Variants in LPP observed in about 807,000 individuals in gnomAD.
LPP encodes LIM domain containing preferred translocation partner in lipoma.
LPP carries 38 observed loss-of-function variants against 60.4 expected under a neutral mutation model. The observed-to-expected ratio is 0.63, with a 90% CI of 0.49 to 0.83. LPP has a LOEUF of 0.83. Ranked by LOEUF, LPP falls within the 40% of genes least tolerant of loss-of-function variation. The pLI is 0.00. For synonymous variants in LPP, 328 were observed against 290.8 expected, an observed-to-expected ratio of 1.13 and a Z score of -1.30; for missense variants, 902 against 783.6, an observed-to-expected ratio of 1.15 and a Z score of -1.80.
intron 7 of LPP, among the ~76,000 whole-genome samples, chr3:188,618,409 T>C (rs1845245445): frequency 6.6e-6 from 1 of 152,250 alleles, no homozygotes; most frequent in Non-Finnish European, 1.5e-5. Flanking sequence ...AGAAAAACTC[T>C]GTAAGTTGTT....
chr3:188,849,022 A>G (rs2151834148), intron 9 of LPP, among the ~76,000 whole-genome samples: 1 of 152,184 alleles, frequency 6.6e-6, no homozygotes, highest in East Asian at 1.9e-4. Context: ...ATGATTAAAC[A>G]TTGTTTAATT....
At chr3:188,245,720 CT>C (rs1296109437) in intron 2 of LPP, among the ~76,000 whole-genome samples, 1 of 149,428 alleles carries the variant, frequency 6.7e-6, no homozygotes, top group Non-Finnish European at 1.5e-5. Flanking sequence ...TTATTTATTT[CT>C]TTTGTAGACA....
intron 9 of LPP, among the ~76,000 whole-genome samples, chr3:188,783,080 G>A (rs888103038): frequency 2.0e-5 from 3 of 152,040 alleles, no homozygotes; most frequent in Admixed American, 2.0e-4. Context: ...CCTGTCTTCT[G>A]AGTGCCCTGG....
At chr3:188,569,931 C>T (rs183053614) in intron 6 of LPP, among the ~76,000 whole-genome samples, 1 of 152,046 alleles carries the variant, frequency 6.6e-6, no homozygotes, top group East Asian at 1.9e-4. Context: ...AGTCCATGCT[C>T]ATTTGCTTCC....
In LPP at chr3:188,764,480, G is replaced by A. The variant is rs143046226; in HGVS notation, c.1410+4198G>A. 8.2e-4 allele frequency among the ~76,000 whole-genome samples: 125 copies of A among 151,984 alleles called. 1 individual carries two copies. The Middle Eastern group carries it at 0.01, about 12-fold the overall frequency. ...CCTCTAAATCTGGGGCAATTTCTTG[G>A]CTGTAGTTGCTATGGAAATACTGAA... On this transcript the variant is annotated intron_variant, in intron 9 of 11. Transcript: ENST00000617246.
chr3:188,487,949 A>G (rs1807084715), intron 5 of LPP, among the ~76,000 whole-genome samples: 1 of 152,062 alleles, frequency 6.6e-6, no homozygotes, highest in Non-Finnish European at 1.5e-5. Context: ...GGGACCTTAG[A>G]GATCATTTAG....
intron 3 of LPP, among the ~76,000 whole-genome samples, chr3:188,377,792 G>C (rs1364919191): frequency 6.6e-6 from 1 of 152,136 alleles, no homozygotes; most frequent in African/African-American, 2.4e-5. Context: ...CTGATTTTTA[G>C]AGTTTCCAGT....
At chr3:188,851,997 C>G (rs1182457035) in intron 9 of LPP, among the ~76,000 whole-genome samples, 1 of 152,084 alleles carries the variant, frequency 6.6e-6, no homozygotes, top group Non-Finnish European at 1.5e-5. Flanking sequence ...AAACCTGTCT[C>G]TACTAAAAAT....
intron 8 of LPP, among the ~76,000 whole-genome samples, chr3:188,739,937 GT>G (rs1723828760): frequency 6.6e-6 from 1 of 152,070 alleles, no homozygotes; most frequent in Non-Finnish European, 1.5e-5. Flanking sequence ...ATTTTGTGAA[GT>G]TAAATGACCA....
intron 4 of LPP, among the ~76,000 whole-genome samples, chr3:188,448,491 T>G (rs1395369070): frequency 6.6e-6 from 1 of 152,148 alleles, no homozygotes; most frequent in South Asian, 2.1e-4. Flanking sequence ...TTTATCTAAA[T>G]ATCTATCTAA....
chr3:188,554,138 T>C (rs1828890231), intron 6 of LPP: 1 of 152,104 alleles, frequency 6.6e-6, no homozygotes, highest in Non-Finnish European at 1.5e-5. Flanking sequence ...CACGTGTGAA[T>C]TTGATGCTTT....
At chr3:188,548,738 G>C (rs1468082229) in intron 6 of LPP, among the ~76,000 whole-genome samples, 1 of 152,184 alleles carries the variant, frequency 6.6e-6, no homozygotes, top group Non-Finnish European at 1.5e-5. Context: ...GGATGGACTG[G>C]ATTTGAATAT....
chr3:188,249,901 A>ATAT (rs1491089587), intron 2 of LPP, among the ~76,000 whole-genome samples: 2 of 87,808 alleles, frequency 2.3e-5, no homozygotes, highest in African/African-American at 7.5e-5. Flanking sequence ...ATATATATAT[A>ATAT]TTTTTTTTTT....
At chr3:188,691,980 A>G (rs1862219900) in intron 7 of LPP, among the ~76,000 whole-genome samples, 1 of 152,250 alleles carries the variant, frequency 6.6e-6, no homozygotes, top group Admixed American at 6.5e-5. Context: ...CACATAAAAA[A>G]AAAACCACTT....
intron 8 of LPP, among the ~76,000 whole-genome samples, chr3:188,718,131 T>C (rs552125488): frequency 6.6e-6 from 1 of 152,370 alleles, no homozygotes; most frequent in South Asian, 2.1e-4. Context: ...CTGGCTAATG[T>C]GTTTTTAAGC....
chr3:188,277,101 G>T (rs1740227577), intron 2 of LPP, among the ~76,000 whole-genome samples: 1 of 151,578 alleles, frequency 6.6e-6, no homozygotes, highest in Non-Finnish European at 1.5e-5. Flanking sequence ...ATGGGGTTTT[G>T]CCCCTTTGGC....
chr3:188,351,490 G>A (rs1578259343), intron 3 of LPP, among the ~76,000 whole-genome samples: 2 of 152,214 alleles, frequency 1.3e-5, no homozygotes, highest in Middle Eastern at 3.4e-3. Flanking sequence ...AGACCACTAA[G>A]AATAAAGGTA....
At chr3:188,840,624 A>T (rs1466060926) in intron 9 of LPP, among the ~76,000 whole-genome samples, 2 of 152,124 alleles carry the variant, frequency 1.3e-5, no homozygotes, top group African/African-American at 4.8e-5. Context: ...TCAGCCTCTC[A>T]AGTAACTAGC....
chr3:188,634,102 G>T (rs1313093349), intron 7 of LPP, among the ~76,000 whole-genome samples: 1 of 152,130 alleles, frequency 6.6e-6, no homozygotes, highest in African/African-American at 2.4e-5. Flanking sequence ...TTAATAAAAA[G>T]AAAATACTGG....
Sources: allele counts gnomAD v4.1 joint callset (sites outside exome capture counted in the v4.1 genomes callset), GRCh38; gene constraint gnomAD v4.1.1; transcripts MANE v1.5; gene names NCBI Gene and HGNC (gene_info 2026-07-23, HGNC 2026-07-21).